Variants in RNF220 observed in about 807,000 individuals in gnomAD.
RNF220 encodes E3 ubiquitin-protein ligase RNF220.
Under a neutral mutation model 67.1 loss-of-function variants are expected in RNF220, and 7 were observed. The observed-to-expected ratio is 0.10, with a 90% CI of 0.06 to 0.20. The LOEUF is 0.20. RNF220 is among the 10% of genes least tolerant of loss of function. The pLI is 1.00. For synonymous variants in RNF220, 270 were observed against 283.2 expected (o/e 0.95, Z 0.47); for missense variants, 565 against 740.3 (o/e 0.76, Z 2.75).
At chr1:44,429,296 A>G (rs914866573) in intron 2 of RNF220, among the ~76,000 whole-genome samples, 2 of 152,244 alleles carry the variant, frequency 1.3e-5, no homozygotes, top group African/African-American at 4.8e-5. Flanking sequence ...GAAACAATGC[A>G]AATTCTTCCA....
chr1:44,437,643 A>G (rs116348497), intron 2 of RNF220, among the ~76,000 whole-genome samples: 3,012 of 152,278 alleles, frequency 0.02, 110 homozygotes, highest in African/African-American at 0.069. Context: ...AATGCTAATA[A>G]CCCTGGTGAC....
intron 2 of RNF220, among the ~76,000 whole-genome samples, chr1:44,593,012 G>C (rs143134669): frequency 2.6e-5 from 4 of 152,232 alleles, no homozygotes; most frequent in African/African-American, 9.6e-5. Flanking sequence ...GGGGGGGATG[G>C]GCCCAGAGCT....
chr1:44,440,915 A>G (rs1651480595), intron 2 of RNF220, among the ~76,000 whole-genome samples: 1 of 152,154 alleles, frequency 6.6e-6, no homozygotes, highest in South Asian at 2.1e-4. Flanking sequence ...AGGCCTTGAC[A>G]TTAGCCAGAT....
chr1:44,567,622 A>T (rs1339336360), intron 2 of RNF220, among the ~76,000 whole-genome samples: 1 of 152,058 alleles, frequency 6.6e-6, no homozygotes, highest in African/African-American at 2.4e-5. Flanking sequence ...TAAGGGAAAT[A>T]GACTGTTTAG....
At chr1:44,433,400 G>A (rs1196938811) in intron 2 of RNF220, among the ~76,000 whole-genome samples, 1 of 152,162 alleles carries the variant, frequency 6.6e-6, no homozygotes, top group Non-Finnish European at 1.5e-5. Context: ...GAAACAGTTT[G>A]TGTCTCCAAC....
At chr1:44,406,351 G>C (rs1198855736) in intron 1 of RNF220, among the ~76,000 whole-genome samples, 1 of 152,208 alleles carries the variant, frequency 6.6e-6, no homozygotes, top group Non-Finnish European at 1.5e-5. Flanking sequence ...GGGCTGGACC[G>C]GCCTGGCCGT....
intron 4 of RNF220, among the ~76,000 whole-genome samples, chr1:44,625,569 G>A (rs542911164): frequency 8.5e-5 from 13 of 152,180 alleles, no homozygotes; most frequent in Admixed American, 3.9e-4. Flanking sequence ...TGGAGAAGGT[G>A]GGGGGAGGAA....
chr1:44,581,353 C>T (rs1665264349), intron 2 of RNF220, among the ~76,000 whole-genome samples: 1 of 152,222 alleles, frequency 6.6e-6, no homozygotes, highest in African/African-American at 2.4e-5. Flanking sequence ...AGCTGCTTGT[C>T]CCCTGCAGTG....
chr1:44,527,470 G>A (rs974565310), intron 2 of RNF220, among the ~76,000 whole-genome samples: 1 of 152,058 alleles, frequency 6.6e-6, no homozygotes, highest in Non-Finnish European at 1.5e-5. Context: ...CAGAATTAAT[G>A]AATTAAGCCA....
intron 2 of RNF220, among the ~76,000 whole-genome samples, chr1:44,598,813 G>A (rs1402621460): frequency 2.0e-5 from 3 of 152,232 alleles, no homozygotes; most frequent in East Asian, 1.9e-4. Flanking sequence ...TCTGTATTTC[G>A]AGAGCTTCTA....
chr1:44,446,933 A>T (rs371411010), intron 2 of RNF220, among the ~76,000 whole-genome samples: 5 of 152,288 alleles, frequency 3.3e-5, no homozygotes, highest in African/African-American at 1.2e-4. Flanking sequence ...TCATAGACAC[A>T]CCTGCAGCGA....
intron 2 of RNF220, among the ~76,000 whole-genome samples, chr1:44,488,605 A>G (rs1656557054): frequency 6.6e-6 from 1 of 152,208 alleles, no homozygotes; most frequent in Non-Finnish European, 1.5e-5. Flanking sequence ...GTGGGCCACC[A>G]TACCCAGCCT....
At chr1:44,605,615 G>T (rs1667220246) in intron 2 of RNF220, among the ~76,000 whole-genome samples, 1 of 152,134 alleles carries the variant, frequency 6.6e-6, no homozygotes, top group South Asian at 2.1e-4. Context: ...ATCATAACAG[G>T]CAATAATGAC....
chr1:44,519,652 C>A (rs1052186749), intron 2 of RNF220, among the ~76,000 whole-genome samples: 1 of 152,192 alleles, frequency 6.6e-6, no homozygotes, highest in African/African-American at 2.4e-5. Flanking sequence ...AGGTGCTCCA[C>A]GGACAGTAGT....
intron 2 of RNF220, among the ~76,000 whole-genome samples, chr1:44,421,477 C>A (rs1036141559): frequency 6.6e-6 from 1 of 152,016 alleles, no homozygotes; most frequent in Non-Finnish European, 1.5e-5. Context: ...AACCTTCCCC[C>A]ATCTGTGTGT....
intron 2 of RNF220, among the ~76,000 whole-genome samples, chr1:44,428,432 C>G (rs1432091466): frequency 2.0e-5 from 3 of 152,142 alleles, no homozygotes; most frequent in Non-Finnish European, 4.4e-5. Context: ...TAATAACTTA[C>G]ATAATGCTTA....
intron 2 of RNF220, among the ~76,000 whole-genome samples, chr1:44,433,216 C>T (rs1395992186): frequency 6.6e-6 from 1 of 152,188 alleles, no homozygotes; most frequent in Non-Finnish European, 1.5e-5. Flanking sequence ...AGGTGTGAGC[C>T]ACCATGCCTG....
chr1:44,513,759 G>C (rs543381784), intron 2 of RNF220, among the ~76,000 whole-genome samples: 1 of 152,304 alleles, frequency 6.6e-6, no homozygotes, highest in Admixed American at 6.5e-5. Context: ...TCCCCCCAGG[G>C]CATGTTTCAT....
intron 2 of RNF220, among the ~76,000 whole-genome samples, chr1:44,574,987 G>A (rs1214204619): frequency 3.3e-5 from 5 of 152,036 alleles, no homozygotes; most frequent in South Asian, 2.1e-4. Context: ...CCATCACCTC[G>A]AGTATTTGTC....
Sources: allele counts gnomAD v4.1 joint callset (sites outside exome capture counted in the v4.1 genomes callset), GRCh38; gene constraint gnomAD v4.1.1; transcripts MANE v1.5; gene names NCBI Gene and HGNC (gene_info 2026-07-23, HGNC 2026-07-21).